Variants in LFNG observed in about 807,000 individuals in gnomAD.
LFNG encodes LFNG O-fucosylpeptide 3-beta-N-acetylglucosaminyltransferase, also known as beta-1,3-N-acetylglucosaminyltransferase lunatic fringe.
Under a neutral mutation model 32.7 loss-of-function variants are expected in LFNG, and 15 were observed. That is an observed-to-expected ratio of 0.46 (90% confidence interval 0.31 to 0.71). The LOEUF (loss-of-function observed/expected upper bound fraction) is 0.71. Ranked by LOEUF, LFNG falls within the 30% of genes least tolerant of loss-of-function variation. The pLI is 0.06. For synonymous variants in LFNG, 274 were observed against 246.8 expected (o/e 1.11, Z -1.03); for missense variants, 520 against 545.7 (o/e 0.95, Z 0.47).
chr7:2,519,632 C>T (rs1367001396), upstream of LFNG, among the ~76,000 whole-genome samples: 3 of 150,058 alleles, frequency 2.0e-5, no homozygotes, highest in Non-Finnish European at 1.5e-5. Context: ...GTTCCCAGCC[C>T]CCAGCCGCGG....
At position 2,520,254 on chromosome 7, in the gene LFNG, C is replaced by T. The variant is rs984165635; in HGVS notation, c.393C>T (p.Asp131=). 3.1e-6 allele frequency: 5 copies of T among 1,610,310 alleles called. No homozygotes were observed. Among genetic ancestry groups the T allele is most frequent in the African/African-American group, 1.3e-5 (1 of 74,640 alleles). The part of the protein sequence containing the change: ...TTKKFHRARL[D]LLLETWISRH... ...AAAAGTTCCACCGCGCGCGCCTCGA[C>T]CTGCTGCTGGAGACCTGGATCTCGC... The change falls in exon 1 of 8, where the codon GAC becomes GAT. Residue 131 remains aspartate (D), a synonymous_variant. Transcript: ENST00000222725. The surrounding 1 kb of genome is among the most constrained non-coding windows in gnomAD (Gnocchi z 5.0).
chr7:2,519,454 G>T (rs1384777870), upstream of LFNG, among the ~76,000 whole-genome samples: 1 of 152,040 alleles, frequency 6.6e-6, no homozygotes, highest in Non-Finnish European at 1.5e-5. Context: ...GGGACGCCCG[G>T]TGCATCCCCG....
chr7:2,520,128 C>T lies in LFNG; in HGVS notation c.267C>T (p.Gly89=), dbSNP rs1353161433. The change falls in exon 1 of 8, where the codon GGC becomes GGT. Residue 89 remains glycine (G), a synonymous_variant. Transcript: ENST00000222725. This position sits in a 1 kb window ranked among gnomAD's most constrained non-coding sequence, Gnocchi z 5.0. ...SLLTRARRDA[G]PPPGAAPRPA... is the part of the protein sequence containing the mutation. ...TCACCCGCGCGCGCAGAGATGCGGG[C>T]CCGCCGCCCGGGGCTGCCCCCCGCC... 8.1e-6 allele frequency: 11 copies of T among 1,362,100 alleles called. No individual in the cohort carries two copies. Among genetic ancestry groups the T allele is most frequent in the Middle Eastern group, 2.2e-4 (1 of 4,524 alleles). 84.4% of individuals were successfully genotyped at this position (1,362,100 alleles called of 1,614,324 possible).
At chr7:2,522,918 A>G (rs1354187918) in intron 1 of LFNG, among the ~76,000 whole-genome samples, 1 of 152,224 alleles carries the variant, frequency 6.6e-6, no homozygotes, top group Non-Finnish European at 1.5e-5. Context: ...GGTGAGGCCT[A>G]TAGCCCAGCA....
chr7:2,526,750 G>A lies in LFNG; in HGVS notation c.988-86G>A. ...CAAGGGAGGCCAGGGCAGGGCCGTT[G>A]CCTCACTCAGGGCTGTGTGGCCAGC... On this transcript the variant is annotated intron_variant, in intron 6 of 7. Coordinates refer to ENST00000222725, the MANE Select transcript of LFNG (RefSeq NM_001040167.2). This position sits in a 1 kb window ranked among gnomAD's most constrained non-coding sequence, Gnocchi z 6.9. The A allele has an allele frequency of 7.9e-7, 1 of 1,271,210 alleles. No homozygotes were observed. The highest frequency in any genetic ancestry group is 1.1e-6 in the Non-Finnish European group (1 of 875,458). The allele number at this position is 1,271,210 out of a possible 1,614,324, so 78.7% of individuals were successfully genotyped here.
Position 2,525,730 on chromosome 7 carries a change from A to G in LFNG, c.781A>G (p.Ile261Val). The G allele has an allele frequency of 2.5e-6, 4 of 1,612,784 alleles. No individual in the cohort carries two copies. Among genetic ancestry groups the G allele is most frequent in the Admixed American group, 1.7e-5 (1 of 60,032 alleles). Residue 261 changes from isoleucine to valine, a missense_variant, in exon 5 of 8, where the codon ATC (isoleucine) becomes GTC (valine). By Grantham distance (29) the Ile-to-Val change is conservative (BLOSUM62 3). Transcript: ENST00000222725. Reference protein sequence around the residue: ...WFATGGAGFCISRGLALKMSP... With the variant: ...WFATGGAGFCVSRGLALKMSP... ...TGCCACGGGCGGCGCTGGCTTCTGC[A>G]TCAGCCGTGGGCTGGCTCTGAAGAT...
chr7:2,529,006 C>T (rs1780078186), downstream of LFNG: 1 of 473,172 alleles, frequency 2.1e-6, no homozygotes. This position sits in a 1 kb window ranked among gnomAD's most constrained non-coding sequence, Gnocchi z 4.2. Flanking sequence ...TGCTGCACCT[C>T]CCTCTCCTGT....
At chr7:2,528,773 C>T (rs1780073291), downstream of LFNG, 1 of 652,540 alleles carries the variant, frequency 1.5e-6, no homozygotes, top group Non-Finnish European at 2.8e-6. Context: ...CCAGCCCCTG[C>T]AGGAGGGACA....
exon 1 of LFNG, chr7:2,512,570 G>A: frequency 1.7e-6 from 2 of 1,184,204 alleles, no homozygotes; most frequent in South Asian, 1.2e-5. Flanking sequence ...AAGGAAGGGA[G>A]GAGGGAGGAC....
rs774707251 is a variant in LFNG at position 2,528,340 on chromosome 7, C to T, written c.*1128C>T. ...CTTTGCAAAGACATAGCTAGGAAAG[C>T]GAATGATAAGGGAAAAGTTCTCAGG... On this transcript the variant is annotated 3_prime_UTR_variant, in exon 8 of 8. Transcript: ENST00000222725. 43 of 985,984 alleles carry T rather than the reference C, an allele frequency of 4.4e-5. No individual in the cohort carries two copies. The highest frequency in any genetic ancestry group is 4.9e-5 in the Non-Finnish European group (41 of 830,024). 61.1% of individuals were successfully genotyped at this position (985,984 alleles called of 1,614,324 possible).
In LFNG at chr7:2,520,377, G is replaced by A; in HGVS notation, c.432+84G>A. 3 of 1,268,696 alleles carry A rather than the reference G, an allele frequency of 2.4e-6. No individual in the cohort carries two copies. Among genetic ancestry groups the A allele is most frequent in the South Asian group, 1.3e-5 (1 of 74,308 alleles). 78.6% of individuals were successfully genotyped at this position (1,268,696 alleles called of 1,614,324 possible). ...CAGCTGGTGGCAGTGTCCCATGGGA[G>A]TCAGGCTGCATCCCCATCCAGCCAC... is the stretch of plus-strand genomic sequence containing the variant. On this transcript the variant is annotated intron_variant, in intron 1 of 7. Transcript: ENST00000222725. This position sits in a 1 kb window ranked among gnomAD's most constrained non-coding sequence, Gnocchi z 5.0.
chr7:2,518,618 G>C, upstream of LFNG: 1 of 1,611,106 alleles, frequency 6.2e-7, no homozygotes, highest in Non-Finnish European at 8.5e-7. Context: ...GGGGCTCCAA[G>C]GGCACTTAAA....
downstream of LFNG, chr7:2,529,123 TCCAGAC>T: frequency 5.3e-6 from 2 of 374,386 alleles, no homozygotes; most frequent in Non-Finnish European, 9.5e-6. The surrounding 1 kb of genome is among the most constrained non-coding windows in gnomAD (Gnocchi z 4.2). Context: ...CCTGCAGAGA[TCCAGAC>T]GCTTGTTTTT....
At chr7:2,517,640 C>T (rs950992357), upstream of LFNG, 1 of 453,656 alleles carries the variant, frequency 2.2e-6, no homozygotes, top group Non-Finnish European at 4.4e-6. Flanking sequence ...GATGGACTCA[C>T]AGCATCTTGT....
chr7:2,524,670 C>T (rs370749792), intron 1 of LFNG, 25 bp from the exon 2 acceptor site: 6 of 1,570,540 alleles, frequency 3.8e-6, no homozygotes, highest in Middle Eastern at 1.7e-4. Context: ...GGGCTGCCTG[C>T]TGAAGGCCGA....
At chr7:2,524,783 C>T (rs1294897276) in intron 2 of LFNG, 40 bp downstream of exon 2, 1 of 1,538,040 alleles carries the variant, frequency 6.5e-7, no homozygotes. Flanking sequence ...CCCAGGCCTC[C>T]ATCCAGAGCC....
At chr7:2,521,702 TGG>T (rs1779797679) in intron 1 of LFNG, among the ~76,000 whole-genome samples, 1 of 152,190 alleles carries the variant, frequency 6.6e-6, no homozygotes, top group Admixed American at 6.5e-5. Flanking sequence ...CCTCTCATCT[TGG>T]AATTTGGGGC....
chr7:2,517,781 G>C, upstream of LFNG: 1 of 863,892 alleles, frequency 1.2e-6, no homozygotes, highest in Non-Finnish European at 1.7e-6. Flanking sequence ...GGAGGGATTG[G>C]GCCTCAAGAA....
intron 1 of LFNG, among the ~76,000 whole-genome samples, chr7:2,522,154 G>A (rs1357660027): frequency 6.6e-6 from 1 of 152,234 alleles, no homozygotes; most frequent in Non-Finnish European, 1.5e-5. Context: ...AAAACCCCGA[G>A]AGGCTGTGTG....
Sources: gnomAD v4.1 joint callset for allele counts (sites outside exome capture counted in the v4.1 genomes callset) on GRCh38, gnomAD v4.1.1 for gene constraint, Gnocchi (gnomAD v3.1) non-coding constraint, MANE v1.5 for transcripts, NCBI Gene and HGNC (gene_info 2026-07-23, HGNC 2026-07-21) for gene names.